The following USP37 variants were observed in gnomAD, a reference collection of about 807,000 sequenced individuals.
The protein encoded by USP37 is ubiquitin carboxyl-terminal hydrolase 37.
Under a neutral mutation model 124.0 loss-of-function variants are expected in USP37, and 27 were observed. The ratio of observed to expected loss-of-function variants is 0.22; its 90% CI spans 0.16 to 0.30. USP37 has a LOEUF of 0.30. Among genes scored for constraint, USP37 ranks in the 10% least tolerant of loss-of-function variants. The probability of loss-of-function intolerance (pLI) is 1.00; values close to 1 mark genes in which losing one functional copy is unlikely to be tolerated. For synonymous variants in USP37, 365 were observed against 388.0 expected (o/e 0.94, Z 0.70); for missense variants, 889 against 1,140.4 (o/e 0.78, Z 3.17).
chr2:218,502,483 GAA>G (rs1689443245), intron 11 of USP37, among the ~76,000 whole-genome samples: 1 of 151,892 alleles, frequency 6.6e-6, no homozygotes, highest in South Asian at 2.1e-4. Flanking sequence ...AATCCAGAGA[GAA>G]GAGTCAGAAA....
At chr2:218,534,414 G>T (rs775148833) in intron 9 of USP37, among the ~76,000 whole-genome samples, 195 bp downstream of exon 9, 12 of 152,154 alleles carry the variant, frequency 7.9e-5, no homozygotes, top group Non-Finnish European at 1.3e-4. Flanking sequence ...ACTTGAACCC[G>T]GGAGGCAGAG....
At chr2:218,461,506 CAAAAGAAAAAA>C (rs970240934) in intron 22 of USP37, among the ~76,000 whole-genome samples, 7 of 119,532 alleles carry the variant, frequency 5.9e-5, no homozygotes, top group African/African-American at 2.0e-4. Flanking sequence ...AACTCCATCT[CAAAAGAAAAAA>C]AAAAGAAAAA....
chr2:218,541,372 C>T (rs73077121), intron 8 of USP37, among the ~76,000 whole-genome samples: 10 of 152,056 alleles, frequency 6.6e-5, no homozygotes, highest in Non-Finnish European at 1.5e-4. Context: ...TGCTATATAA[C>T]GAGGGCAGTG....
At chr2:218,464,015 C>A (rs972495423) in intron 21 of USP37, among the ~76,000 whole-genome samples, 1 of 150,402 alleles carries the variant, frequency 6.6e-6, no homozygotes, top group Non-Finnish European at 1.5e-5. Flanking sequence ...GCCACCACAC[C>A]CAGTTAATTT....
intron 8 of USP37, among the ~76,000 whole-genome samples, chr2:218,541,708 C>T (rs1479125271): frequency 3.3e-5 from 5 of 152,040 alleles, no homozygotes; most frequent in African/African-American, 1.2e-4. Context: ...AGATTCTTCC[C>T]CAGAAGTGGG....
At chr2:218,511,608 C>A (rs915124729) in intron 10 of USP37, among the ~76,000 whole-genome samples, 2 of 151,938 alleles carry the variant, frequency 1.3e-5, no homozygotes, top group Admixed American at 6.6e-5. Flanking sequence ...CCATGCCCAG[C>A]CTAATTTTTT....
At chr2:218,566,567 A>C (rs565247549) in intron 1 of USP37, among the ~76,000 whole-genome samples, 5 of 152,342 alleles carry the variant, frequency 3.3e-5, no homozygotes, top group African/African-American at 9.6e-5. Context: ...ACCAGATAGA[A>C]GAGTATTGAG....
Position 218,479,649 on chromosome 2 carries a change from C to G in USP37, c.1901+1G>C. ...TTGGGTACATAAGAAATATAACTCA[C>G]TTTGAAGGTGTAGAAGGGCTGGTGA... On this transcript the variant is annotated splice_donor_variant, in intron 18 of 25. Transcript: ENST00000258399. LOFTEE classifies it high-confidence loss of function. 1 of 1,612,222 alleles carries G rather than the reference C, an allele frequency of 6.2e-7. No homozygotes were observed. Among genetic ancestry groups the G allele is most frequent in the Non-Finnish European group, 8.5e-7 (1 of 1,178,962 alleles).
chr2:218,480,612 T>C (rs918328539), intron 17 of USP37, among the ~76,000 whole-genome samples: 3 of 152,228 alleles, frequency 2.0e-5, no homozygotes, highest in Admixed American at 1.3e-4. Flanking sequence ...ATTTACTGGA[T>C]GTCAGACACT....
chr2:218,546,805 C>T, intron 7 of USP37, 114 bp downstream of exon 7: 1 of 1,186,226 alleles, frequency 8.4e-7, no homozygotes, highest in Non-Finnish European at 1.2e-6. Flanking sequence ...GTAATCATTA[C>T]ATCTACCAAA....
At chr2:218,491,652 G>C (rs566356742) in intron 14 of USP37, among the ~76,000 whole-genome samples, 8 of 152,246 alleles carry the variant, frequency 5.3e-5, no homozygotes, top group Admixed American at 5.2e-4. Context: ...TAGGCACTGG[G>C]GTGATAGCAG....
At chr2:218,528,841 A>AAAAAAG in intron 10 of USP37, 4 of 353,342 alleles carry the variant, frequency 1.1e-5, no homozygotes, top group East Asian at 4.1e-5. Context: ...AAAAAAAAAA[A>AAAAAAG]GAGCTTATCT....
chr2:218,485,654 A>C lies in USP37; in HGVS notation c.1670+10T>G. The C allele has an allele frequency of 6.4e-7, 1 of 1,571,224 alleles. No individual in the cohort carries two copies. On this transcript the variant is annotated intron_variant, in intron 16 of 25. Coordinates refer to ENST00000258399, the MANE Select transcript of USP37 (RefSeq NM_020935.3). ...CCATAGCAAAAAAAAAAAAAAAAAA[A>C]AAAAATTACCTAGGAAGCCTGTTAA...
rs774104529 is a variant in USP37, at chr2:218,474,731, G to T, written c.2198C>A (p.Thr733Asn). The T allele has an allele frequency of 1.9e-6, 3 of 1,613,990 alleles. No individual in the cohort carries two copies. In the South Asian group the frequency reaches 3.3e-5, roughly 18 times the overall value. Residue 733 changes from threonine to asparagine, a missense_variant, in exon 20 of 26, where the codon ACT becomes AAT. This residue lies in a region of USP37 where 504 missense variants were observed against 714.3 expected (regional missense o/e 0.71). Transcript: ENST00000258399. ...SLSHEDDDKP[T>N]SSPDTGFAED... Reference sequence around the variant, plus strand: ...TGCAAATCCGGTATCTGGGCTGCTAGTTGGCTTATCATCATCTTCATGACT... The same window carrying T: ...TGCAAATCCGGTATCTGGGCTGCTATTTGGCTTATCATCATCTTCATGACT...
chr2:218,473,784 T>G (rs1186883759), intron 20 of USP37, among the ~76,000 whole-genome samples: 1 of 152,246 alleles, frequency 6.6e-6, no homozygotes, highest in Admixed American at 6.5e-5. Flanking sequence ...TAGCATTTTA[T>G]GTACAGTCAT....
chr2:218,465,019 C>A (rs1418668059), intron 21 of USP37, among the ~76,000 whole-genome samples: 1 of 151,912 alleles, frequency 6.6e-6, no homozygotes. Context: ...TTTGAGGCTG[C>A]AGTGAGGAAT....
chr2:218,485,520 A>C (rs1038688110), intron 16 of USP37, 144 bp downstream of exon 16: 3 of 947,052 alleles, frequency 3.2e-6, no homozygotes, highest in Non-Finnish European at 4.6e-6. Flanking sequence ...AGCTTTCCTG[A>C]CCCTCTTTAC....
At chr2:218,487,068 T>C (rs1318748075) in intron 15 of USP37, among the ~76,000 whole-genome samples, 1 of 152,046 alleles carries the variant, frequency 6.6e-6, no homozygotes, top group African/African-American at 2.4e-5. Context: ...TCCTGCCAAT[T>C]TGCTACAACA....
At chr2:218,529,889 A>T in intron 10 of USP37, 67 bp downstream of exon 10, 1 of 1,247,834 alleles carries the variant, frequency 8.0e-7, no homozygotes, top group Non-Finnish European at 1.1e-6. Flanking sequence ...TAACCTATCC[A>T]ATCATTCAAT....
Sources: allele counts gnomAD v4.1 joint callset (sites outside exome capture counted in the v4.1 genomes callset), GRCh38; gene constraint gnomAD v4.1.1; regional missense constraint gnomAD v4.1.1; transcripts MANE v1.5; gene names NCBI Gene and HGNC (gene_info 2026-07-23, HGNC 2026-07-21).